The following DIP2B variants were observed in gnomAD, a reference collection of about 807,000 sequenced individuals.
DIP2B encodes the protein disco-interacting protein 2 homolog B.
A neutral mutation model predicts 198.0 loss-of-function variants in DIP2B; 76 were observed. The observed-to-expected ratio is 0.38, with a 90% CI of 0.32 to 0.46. DIP2B has a LOEUF of 0.46. Among genes scored for constraint, DIP2B ranks in the 20% least tolerant of loss-of-function variants. The pLI is 0.99. For missense variants in DIP2B, 1,559 were observed against 1,978.4 expected (o/e 0.79, Z 4.02); for synonymous variants, 701 against 739.1 (o/e 0.95, Z 0.84).
At chr12:50,740,006 T>A (rs944841047) in intron 36 of DIP2B, among the ~76,000 whole-genome samples, 2 of 152,196 alleles carry the variant, frequency 1.3e-5, no homozygotes, top group African/African-American at 4.8e-5. Context: ...TGCTGAGGCA[T>A]GGCAGTGCCT....
rs1939873022 is a variant in DIP2B, at chr12:50,723,183, A to G, written c.3167-19A>G. On this transcript the variant is annotated intron_variant, in intron 26 of 37. Transcript: ENST00000301180. ...TAGGCAGTTCAGTGACTCTCCTGAC[A>G]GGGTCCTTTGTCTTGCAGGCATTGA... 1.2e-6 allele frequency: 2 copies of G among 1,613,832 alleles called. No homozygotes were observed. The highest frequency in any genetic ancestry group is 1.3e-5 in the African/African-American group (1 of 75,030).
In DIP2B at chr12:50,682,628, CAAAAAAAAAAA is replaced by C. The variant is rs58672851; in HGVS notation, c.1207-495_1207-485del. ...TGGGCGACAGAGCGAGACTCTGTCTCAAAAAAAAAAAAAAAAAAAAAAAAAGAGTAGGAAAA... is the reference window on the plus strand; with the variant it reads ...TGGGCGACAGAGCGAGACTCTGTCTCAAAAAAAAAAAAAAGAGTAGGAAAA... On this transcript the variant is annotated intron_variant, in intron 9 of 37. Transcript: ENST00000301180. Among the ~76,000 whole-genome samples, 10 of 42,144 alleles carry C rather than the reference CAAAAAAAAAAA, an allele frequency of 2.4e-4. No individual in the cohort carries two copies. In the South Asian group the frequency reaches 7.6e-3, roughly 32 times the overall value. The allele number at this position is 42,144 out of a possible 152,430, so 27.6% of individuals were successfully genotyped here. A position where few individuals can be genotyped will look rare whatever the true frequency, so the allele number is the denominator to read the frequency against.
At position 50,678,710 on chromosome 12, in the gene DIP2B, G is replaced by C; in HGVS notation, c.948G>C (p.Pro316=). 1 of 1,614,172 alleles carries C rather than the reference G, an allele frequency of 6.2e-7. No homozygotes were observed. The highest frequency in any genetic ancestry group is 8.5e-7 in the Non-Finnish European group (1 of 1,180,028). The change falls in exon 8 of 38, where the codon CCG becomes CCC. Residue 316 remains proline (P), a synonymous_variant. Transcript: ENST00000301180. ...VPQPDPNQPK[P]EGRQMTPVKG... is the part of the protein sequence containing the mutation. ...AGCCAGACCCCAACCAGCCCAAGCC[G>C]GAGGGACGGCAGATGACCCCTGTGA...
rs1216994295 is a variant in DIP2B, at chr12:50,626,065, G to GT, written c.172+21dup. 11 of 1,612,404 alleles carry GT rather than the reference G, an allele frequency of 6.8e-6. No homozygotes were observed. In the Admixed American group the frequency reaches 1.8e-4, roughly 27 times the overall value. ...GACACAAGGTAGGCAATAAAAAATG[G>GT]TTTCAACTTTTTCAGTATTTTTACA... On this transcript the variant is annotated intron_variant, in intron 2 of 37. Transcript: ENST00000301180.
At chr12:50,581,677 G>A (rs1958725484) in intron 1 of DIP2B, among the ~76,000 whole-genome samples, 1 of 134,246 alleles carries the variant, frequency 7.4e-6, no homozygotes, top group Non-Finnish European at 1.5e-5. Flanking sequence ...TGTGGTGTAC[G>A]TTATCGTGCC....
At chr12:50,526,541 C>T (rs985403094) in intron 1 of DIP2B, among the ~76,000 whole-genome samples, 12 of 151,816 alleles carry the variant, frequency 7.9e-5, no homozygotes, top group African/African-American at 2.7e-4. Context: ...GCTGGAGCCA[C>T]GCCACTGTGC....
chr12:50,678,591 A>T, intron 7 of DIP2B, 88 bp from the exon 8 acceptor site: 1 of 1,379,230 alleles, frequency 7.3e-7, no homozygotes, highest in Non-Finnish European at 9.9e-7. Flanking sequence ...ATATGAAGTG[A>T]AAAGGAAGAT....
At chr12:50,666,357 G>C (rs1003500476) in intron 4 of DIP2B, among the ~76,000 whole-genome samples, 9 of 152,150 alleles carry the variant, frequency 5.9e-5, no homozygotes, top group African/African-American at 2.2e-4. Context: ...GAGAAAACAG[G>C]TTTAGAGAGG....
chr12:50,720,343 C>A (rs756103419), intron 25 of DIP2B, among the ~76,000 whole-genome samples: 4 of 152,012 alleles, frequency 2.6e-5, no homozygotes, highest in African/African-American at 4.8e-5. Flanking sequence ...TTCTCCCCAG[C>A]AGGGGAAGAC....
chr12:50,699,594 C>T (rs1939380614), intron 19 of DIP2B, among the ~76,000 whole-genome samples: 1 of 151,994 alleles, frequency 6.6e-6, no homozygotes. Context: ...AATCCCAACA[C>T]CTTTGGAGGT....
In DIP2B at chr12:50,592,218, A is replaced by G. The variant is rs1013443620; in HGVS notation, c.101-33758A>G. On this transcript the variant is annotated intron_variant, in intron 1 of 37. Coordinates refer to ENST00000301180, the MANE Select transcript of DIP2B (RefSeq NM_173602.3). ...TTTTTTTAGAGACAGCCTGTTGTCC[A>G]GGCTGGAGTATAGTGACACCATCGT... Among the ~76,000 whole-genome samples the G allele has an allele frequency of 9.9e-5, 15 of 152,064 alleles. No homozygotes were observed. The South Asian group carries it at 1.2e-3, about 13-fold the overall frequency.
intron 1 of DIP2B, among the ~76,000 whole-genome samples, chr12:50,518,115 C>T (rs1041520116): frequency 6.6e-6 from 1 of 152,180 alleles, no homozygotes; most frequent in Admixed American, 6.5e-5. Flanking sequence ...ATCTTCCCAC[C>T]TGTGGTTACA....
At chr12:50,706,427 T>A in intron 20 of DIP2B, 111 bp from the exon 21 acceptor site, 1 of 1,284,282 alleles carries the variant, frequency 7.8e-7, no homozygotes, top group Non-Finnish European at 1.1e-6. Flanking sequence ...AATATGGCAG[T>A]TGTGTTTTTA....
chr12:50,514,608 G>C (rs1958047881), intron 1 of DIP2B, among the ~76,000 whole-genome samples: 1 of 151,978 alleles, frequency 6.6e-6, no homozygotes, highest in Non-Finnish European at 1.5e-5. Context: ...GTCTCTCTTT[G>C]TTTCTTTCAT....
At chr12:50,610,708 A>G (rs369709915) in intron 1 of DIP2B, among the ~76,000 whole-genome samples, 2 of 151,652 alleles carry the variant, frequency 1.3e-5, no homozygotes, top group Admixed American at 6.6e-5. Flanking sequence ...GGGTTTCACC[A>G]TGTTAGCCAG....
chr12:50,602,184 T>C (rs1315570405), intron 1 of DIP2B, among the ~76,000 whole-genome samples: 2 of 152,366 alleles, frequency 1.3e-5, no homozygotes, highest in African/African-American at 4.8e-5. Flanking sequence ...AGCAGGGCCT[T>C]GCACACTCAC....
intron 2 of DIP2B, among the ~76,000 whole-genome samples, chr12:50,629,379 C>A (rs956410897): frequency 1.3e-5 from 2 of 152,144 alleles, no homozygotes; most frequent in Non-Finnish European, 2.9e-5. Context: ...CTGCAGGGCC[C>A]CATTTTCAGG....
In DIP2B at chr12:50,718,940, G is replaced by C; in HGVS notation, c.2962-15G>C. On this transcript the variant is annotated splice_polypyrimidine_tract_variant and intron_variant, in intron 24 of 37. Coordinates refer to ENST00000301180, the MANE Select transcript of DIP2B (RefSeq NM_173602.3). ...GTTGCTGACCCTGAGTCCTTTTTCTGGTTTATGACTTCAGCACCAGTTTCT... is the reference window on the plus strand; with the variant it reads ...GTTGCTGACCCTGAGTCCTTTTTCTCGTTTATGACTTCAGCACCAGTTTCT... The C allele has an allele frequency of 6.2e-7, 1 of 1,614,026 alleles. No homozygotes were observed. The highest frequency in any genetic ancestry group is 8.5e-7 in the Non-Finnish European group (1 of 1,179,990).
chr12:50,542,575 T>A (rs1220082565), intron 1 of DIP2B, among the ~76,000 whole-genome samples: 2 of 152,242 alleles, frequency 1.3e-5, no homozygotes, highest in East Asian at 3.9e-4. Context: ...ATGTAAATGA[T>A]CTTATTATAC....
Sources: allele counts gnomAD v4.1 joint callset (sites outside exome capture counted in the v4.1 genomes callset), GRCh38; gene constraint gnomAD v4.1.1; transcripts MANE v1.5; gene names NCBI Gene and HGNC (gene_info 2026-07-23, HGNC 2026-07-21).